Variants in EXT1 observed in about 807,000 individuals in gnomAD.
EXT1 encodes exostosin glycosyltransferase 1.
EXT1 carries 20 observed loss-of-function variants against 82.5 expected under a neutral mutation model. The ratio of observed to expected loss-of-function variants is 0.24; its 90% CI spans 0.17 to 0.35. The LOEUF (loss-of-function observed/expected upper bound fraction) is 0.35, where lower values mean the gene tolerates loss of function less well. EXT1 is among the 10% of genes least tolerant of loss of function. The probability of loss-of-function intolerance (pLI) is 1.00; values close to 1 mark genes in which losing one functional copy is unlikely to be tolerated. For missense variants in EXT1, 757 were observed against 936.5 expected, an observed-to-expected ratio of 0.81 and a Z score of 2.50; for synonymous variants, 348 against 350.8, an observed-to-expected ratio of 0.99 and a Z score of 0.09.
At chr8:117,973,639 C>G (rs143137047) in intron 1 of EXT1, among the ~76,000 whole-genome samples, 3 of 151,674 alleles carry the variant, frequency 2.0e-5, no homozygotes, top group South Asian at 2.1e-4. Context: ...ATGGTGGTGT[C>G]TGCCTGTAGT....
intron 1 of EXT1, among the ~76,000 whole-genome samples, chr8:117,946,040 T>C (rs1029674040): frequency 1.3e-5 from 2 of 152,168 alleles, no homozygotes; most frequent in Non-Finnish European, 1.5e-5. Flanking sequence ...GCTGGGATTA[T>C]AGGCGCGTGC....
chr8:117,956,837 G>A (rs2129707813), intron 1 of EXT1, among the ~76,000 whole-genome samples: 2 of 152,280 alleles, frequency 1.3e-5, no homozygotes, highest in South Asian at 2.1e-4. Flanking sequence ...GGGGGAAGAG[G>A]AGAGAGAAAG....
intron 1 of EXT1, among the ~76,000 whole-genome samples, chr8:117,873,951 G>A (rs929209989): frequency 6.6e-6 from 1 of 152,180 alleles, no homozygotes; most frequent in African/African-American, 2.4e-5. Flanking sequence ...GAAAAGACAA[G>A]TAATGTGGTA....
At chr8:117,999,864 T>C (rs757748687) in intron 1 of EXT1, among the ~76,000 whole-genome samples, 2 of 152,114 alleles carry the variant, frequency 1.3e-5, no homozygotes, top group Non-Finnish European at 2.9e-5. Flanking sequence ...AGTCAGAACA[T>C]AAACCTCAGA....
intron 1 of EXT1, among the ~76,000 whole-genome samples, chr8:117,881,208 G>T (rs900713612): frequency 2.6e-5 from 4 of 152,056 alleles, no homozygotes; most frequent in Non-Finnish European, 5.9e-5. Flanking sequence ...ATGTATTTCT[G>T]TGGCTGCTAC....
chr8:118,022,326 CTTTTTTTTTTTTT>C (rs71307420), intron 1 of EXT1, among the ~76,000 whole-genome samples: 5 of 46,196 alleles, frequency 1.1e-4, no homozygotes, highest in Middle Eastern at 0.048. Context: ...CATATATATT[CTTTTTTTTTTTTT>C]TTTTTTTTTT....
intron 1 of EXT1, among the ~76,000 whole-genome samples, chr8:117,966,824 C>T (rs1340495968): frequency 6.6e-6 from 1 of 152,146 alleles, no homozygotes; most frequent in East Asian, 1.9e-4. Context: ...CAGCCTAATG[C>T]AGTTCACTTT....
At chr8:117,911,715 A>G (rs1813651266) in intron 1 of EXT1, among the ~76,000 whole-genome samples, 1 of 152,232 alleles carries the variant, frequency 6.6e-6, no homozygotes, top group Non-Finnish European at 1.5e-5. Context: ...AAAAAGTGCC[A>G]GGTTCGAGGA....
chr8:117,936,374 G>A (rs1012923628), intron 1 of EXT1, among the ~76,000 whole-genome samples: 3 of 152,206 alleles, frequency 2.0e-5, no homozygotes, highest in South Asian at 2.1e-4. Context: ...GTTAAGAAGT[G>A]TGAGTGCAGC....
chr8:117,995,700 T>G (rs953083759), intron 1 of EXT1, among the ~76,000 whole-genome samples: 1 of 152,214 alleles, frequency 6.6e-6, no homozygotes, highest in Non-Finnish European at 1.5e-5. Context: ...CCAGTTTTCA[T>G]GTTGCTTCTT....
chr8:118,075,406 G>A (rs2514717), intron 1 of EXT1, among the ~76,000 whole-genome samples: 31,036 of 152,150 alleles, frequency 0.2, 3,515 homozygotes, highest in East Asian at 0.47. Flanking sequence ...CAGGAGGAGT[G>A]TCCTCTAAGG....
chr8:117,998,086 T>A (rs1398657722), intron 1 of EXT1, among the ~76,000 whole-genome samples: 2 of 151,078 alleles, frequency 1.3e-5, no homozygotes, highest in Non-Finnish European at 2.9e-5. Context: ...CGATCTTGGC[T>A]CACTGCAACC....
chr8:117,969,096 C>T (rs1046048089), intron 1 of EXT1, among the ~76,000 whole-genome samples: 1 of 152,092 alleles, frequency 6.6e-6, no homozygotes, highest in Admixed American at 6.5e-5. Flanking sequence ...AAAAACAAAG[C>T]GGCCACATTT....
intron 1 of EXT1, among the ~76,000 whole-genome samples, chr8:117,842,891 T>C (rs1165146535): frequency 6.6e-6 from 1 of 152,226 alleles, no homozygotes; most frequent in Non-Finnish European, 1.5e-5. Flanking sequence ...ACCTGCTTTT[T>C]GCTAACCAAA....
chr8:117,857,118 G>A (rs753736104), intron 1 of EXT1, among the ~76,000 whole-genome samples: 23 of 152,158 alleles, frequency 1.5e-4, no homozygotes, highest in Admixed American at 1.0e-3. Flanking sequence ...TGAGACCTAC[G>A]GCTTAGAAAG....
chr8:117,935,275 C>T (rs1814137226), intron 1 of EXT1, among the ~76,000 whole-genome samples: 6 of 151,838 alleles, frequency 4.0e-5, no homozygotes, highest in Admixed American at 3.9e-4. Context: ...GGCATTCCTC[C>T]ACTTCCCAAA....
At chr8:117,865,148 A>C (rs1812754153) in intron 1 of EXT1, among the ~76,000 whole-genome samples, 1 of 152,140 alleles carries the variant, frequency 6.6e-6, no homozygotes, top group African/African-American at 2.4e-5. Context: ...ATTTTCACAG[A>C]GGCCAGAAGA....
At chr8:118,048,051 G>T (rs1343065622) in intron 1 of EXT1, among the ~76,000 whole-genome samples, 1 of 151,758 alleles carries the variant, frequency 6.6e-6, no homozygotes, top group East Asian at 1.9e-4. Flanking sequence ...CAGTACCTGG[G>T]AACTCCCTAG....
At chr8:117,915,382 C>G (rs1813728455) in intron 1 of EXT1, among the ~76,000 whole-genome samples, 1 of 150,530 alleles carries the variant, frequency 6.6e-6, no homozygotes, top group South Asian at 2.1e-4. Flanking sequence ...CCTGAATAGG[C>G]ATTCATTTAG....
Sources: gnomAD v4.1 joint callset for allele counts (sites outside exome capture counted in the v4.1 genomes callset) on GRCh38, gnomAD v4.1.1 for gene constraint, MANE v1.5 for transcripts, NCBI Gene and HGNC (gene_info 2026-07-23, HGNC 2026-07-21) for gene names.